Variants in CLIP1 observed in about 807,000 individuals in gnomAD.
CLIP1 encodes CAP-Gly domain-containing linker protein 1.
In CLIP1, 66 loss-of-function variants were observed where a neutral mutation model predicts 161.6. The ratio of observed to expected loss-of-function variants is 0.41; its 90% confidence interval spans 0.33 to 0.50. CLIP1 has a LOEUF of 0.50. Among genes scored for constraint, CLIP1 ranks in the 20% least tolerant of loss-of-function variants. The pLI, the probability that CLIP1 is intolerant of heterozygous loss-of-function variation, is 0.27. For missense variants in CLIP1, 1,376 were observed against 1,702.0 expected, an observed-to-expected ratio of 0.81 and a Z score of 3.37; for synonymous variants, 598 against 626.2, an observed-to-expected ratio of 0.96 and a Z score of 0.67.
chr12:122,409,937 C>T (rs1956468019), intron 1 of CLIP1, among the ~76,000 whole-genome samples: 1 of 146,262 alleles, frequency 6.8e-6, no homozygotes, highest in African/African-American at 2.5e-5. Flanking sequence ...GTGGTGAGAT[C>T]TCGGCTCACT....
At chr12:122,371,105 ATCATAAGCTACCAAGTG>A (rs1954430574) in intron 3 of CLIP1, among the ~76,000 whole-genome samples, 1 of 152,200 alleles carries the variant, frequency 6.6e-6, no homozygotes, top group Non-Finnish European at 1.5e-5. Context: ...TCTACAAAAG[ATCATAAGCTACCAAGTG>A]TCTGAGGCTC....
At chr12:122,341,772 T>A in intron 10 of CLIP1, 75 bp from the exon 11 acceptor site, 5 of 538,542 alleles carry the variant, frequency 9.3e-6, no homozygotes, top group Non-Finnish European at 7.4e-6. Context: ...CTTTTTTTTT[T>A]TTTTTTTTTT....
At chr12:122,405,528 C>T (rs144430787) in intron 1 of CLIP1, among the ~76,000 whole-genome samples, 1,984 of 152,264 alleles carry the variant, frequency 0.013, 45 homozygotes, top group African/African-American at 0.04. Context: ...GTGGCTCACA[C>T]CTGTAATCCC....
At chr12:122,392,281 CAAAA>C (rs1298753878) in intron 1 of CLIP1, among the ~76,000 whole-genome samples, 19 of 152,120 alleles carry the variant, frequency 1.2e-4, no homozygotes, top group African/African-American at 3.4e-4. Flanking sequence ...AAAAACAAAA[CAAAA>C]GAAAGAAGGA....
At position 122,311,456 on chromosome 12, in the gene CLIP1, G is replaced by T. The variant is rs1352729691; in HGVS notation, c.3474-1574C>A. On this transcript the variant is annotated intron_variant, in intron 19 of 25. Transcript: ENST00000620786. This position sits in a 1 kb window ranked among gnomAD's most constrained non-coding sequence, Gnocchi z 4.3. ...TTTTTTTTTTTTGAGACAGAGTCTC[G>T]CTCTGTCGCCCAGGCTGGAGTGCAG... 6.6e-6 allele frequency among the ~76,000 whole-genome samples: 1 copy of T among 150,946 alleles called. No individual in the cohort carries two copies. Among genetic ancestry groups the T allele is most frequent in the South Asian group, 2.1e-4 (1 of 4,782 alleles).
chr12:122,324,810 G>A (rs548547579), intron 17 of CLIP1, among the ~76,000 whole-genome samples: 87 of 152,168 alleles, frequency 5.7e-4, no homozygotes, highest in African/African-American at 2.0e-3. Context: ...ATGAAAAAAG[G>A]AAGGGGCATA....
chr12:122,278,420 C>CCCTCAGTTAGTTAG, intron 23 of CLIP1: 1 of 581,538 alleles, frequency 1.7e-6, no homozygotes, highest in Non-Finnish European at 3.0e-6. Flanking sequence ...CACGTGCTCT[C>CCCTCAGTTAGTTAG]CCTCAGGCCT....
rs375448954 is a variant in CLIP1 at position 122,328,131 on chromosome 12, C to T, written c.3065G>A (p.Cys1022Tyr). ...CTCATACCTGGCTTTCAGCTCCTGA[C>T]ACTGGTTGTGGCTTGTTTCCATTTT... ...EKKMETSHNQ[C>Y]QELKARYERA... is the part of the protein sequence containing the mutation. The change falls in exon 17 of 26, where the codon TGT becomes TAT. Residue 1022 changes from cysteine to tyrosine, a missense_variant. Cys to Tyr is a radical substitution (Grantham distance 194, BLOSUM62 -2). This residue lies in a region of CLIP1 where 948 missense variants were observed against 1,134.8 expected (regional missense o/e 0.84). Transcript: ENST00000620786. 6.2e-7 allele frequency: 1 copy of T among 1,614,050 alleles called. No individual in the cohort carries two copies. Among genetic ancestry groups the T allele is most frequent in the African/African-American group, 1.3e-5 (1 of 74,928 alleles).
chr12:122,417,584 C>A (rs988389865), intron 1 of CLIP1, among the ~76,000 whole-genome samples: 2 of 150,056 alleles, frequency 1.3e-5, no homozygotes, highest in Non-Finnish European at 3.0e-5. Context: ...GAGATCTCCG[C>A]TCACTGCAAG....
At position 122,341,419 on chromosome 12, in the gene CLIP1, C is replaced by T. The variant is rs192560335; in HGVS notation, c.1785G>A (p.Thr595=). The change falls in exon 11 of 26, where the codon ACG becomes ACA. Residue 595 remains threonine (T), a synonymous_variant. Coordinates refer to ENST00000620786, the MANE Select transcript of CLIP1 (RefSeq NM_001247997.2). ...QKEIKALYTA[T]EKLSKENESL... is the part of the protein sequence containing the mutation. ...ACTCGTTCTCTTTGGAAAGCTTTTC[C>T]GTGGCGGTATACAGAGCCTTTATCT... is the stretch of plus-strand genomic sequence containing the variant. 1.4e-5 allele frequency: 23 copies of T among 1,614,114 alleles called. No individual in the cohort carries two copies. Among genetic ancestry groups the T allele is most frequent in the Middle Eastern group, 3.3e-4 (2 of 6,062 alleles).
At chr12:122,360,410 CAA>C (rs34294939) in intron 5 of CLIP1, among the ~76,000 whole-genome samples, 72 of 87,324 alleles carry the variant, frequency 8.2e-4, no homozygotes, top group Admixed American at 1.1e-3. Context: ...CCTCTCTCTA[CAA>C]AAAAAAAAAA....
chr12:122,408,411 C>T (rs962823633), intron 1 of CLIP1, among the ~76,000 whole-genome samples: 3 of 151,518 alleles, frequency 2.0e-5, no homozygotes, highest in Non-Finnish European at 4.4e-5. Flanking sequence ...TGCAGTGGTG[C>T]AATCTCAGCT....
intron 1 of CLIP1, among the ~76,000 whole-genome samples, chr12:122,382,710 A>G (rs1009860888): frequency 6.9e-6 from 1 of 145,214 alleles, no homozygotes; most frequent in Admixed American, 6.7e-5. Flanking sequence ...GTCTCAATAA[A>G]TAAATAAATA....
At chr12:122,415,170 G>A (rs1160038822) in intron 1 of CLIP1, among the ~76,000 whole-genome samples, 1 of 152,174 alleles carries the variant, frequency 6.6e-6, no homozygotes, top group Admixed American at 6.6e-5. Flanking sequence ...ACTGACGACT[G>A]ACACTGCTTT....
At chr12:122,330,606 T>TTTG (rs1951909253) in intron 15 of CLIP1, among the ~76,000 whole-genome samples, 1 of 141,154 alleles carries the variant, frequency 7.1e-6, no homozygotes. Context: ...AGTTTTTTTT[T>TTTG]TTTTTTTTTT....
chr12:122,390,279 C>CATATATATATATATATATACACATAT (rs1955578554), intron 1 of CLIP1, among the ~76,000 whole-genome samples: 1 of 78,984 alleles, frequency 1.3e-5, no homozygotes, highest in African/African-American at 3.8e-5. Context: ...TATATATATA[C>CATATATATATATATATATACACATAT]ATATATATAT....
At chr12:122,401,059 G>A (rs982871077) in intron 1 of CLIP1, among the ~76,000 whole-genome samples, 2 of 152,000 alleles carry the variant, frequency 1.3e-5, no homozygotes, top group Non-Finnish European at 2.9e-5. Context: ...TTACAGGCAC[G>A]TGCCACCATG....
chr12:122,272,801 A>T lies in CLIP1; in HGVS notation c.*74T>A. On this transcript the variant is annotated 3_prime_UTR_variant, in exon 26 of 26. Coordinates refer to ENST00000620786, the MANE Select transcript of CLIP1 (RefSeq NM_001247997.2). ...TAACATGAGTTCTCCTGAAGTCTGC[A>T]CACACAATGCTGGTGTTACGTTGTG... The T allele has an allele frequency of 8.0e-7, 1 of 1,256,926 alleles. No individual in the cohort carries two copies. Among genetic ancestry groups the T allele is most frequent in the Non-Finnish European group, 1.2e-6 (1 of 857,960 alleles). The allele number at this position is 1,256,926 out of a possible 1,614,324, so 77.9% of individuals were successfully genotyped here.
chr12:122,329,017 AG>A (rs972914451), intron 15 of CLIP1, among the ~76,000 whole-genome samples: 23 of 152,358 alleles, frequency 1.5e-4, no homozygotes, highest in African/African-American at 5.5e-4. Context: ...AGGAAAAATG[AG>A]TGAAAAATAA....
Sources: allele counts gnomAD v4.1 joint callset (sites outside exome capture counted in the v4.1 genomes callset), GRCh38; gene constraint gnomAD v4.1.1; regional missense constraint gnomAD v4.1.1; non-coding constraint Gnocchi (gnomAD v3.1); transcripts MANE v1.5; gene names NCBI Gene and HGNC (gene_info 2026-07-23, HGNC 2026-07-21).